CHL1: variants seen among roughly 807,000 people sequenced by gnomAD.
CHL1 encodes cell adhesion molecule L1 like.
In CHL1, 96 loss-of-function variants were observed where a neutral mutation model predicts 141.9. The observed-to-expected ratio is 0.68, with a 90% CI of 0.57 to 0.80. The LOEUF (loss-of-function observed/expected upper bound fraction) is 0.80, where lower values mean the gene tolerates loss of function less well. Among genes scored for constraint, CHL1 ranks in the 30% least tolerant of loss-of-function variants. CHL1 has a pLI of 0.00. For synonymous variants in CHL1, 613 were observed against 502.2 expected, an observed-to-expected ratio of 1.22 and a Z score of -2.95; for missense variants, 1,820 against 1,457.2, an observed-to-expected ratio of 1.25 and a Z score of -4.05.
At chr3:309,430 C>CTTTCTCTTTCTTTCT (rs565791755) in intron 2 of CHL1, 1 of 148,712 alleles carries the variant, frequency 6.7e-6, no homozygotes, top group South Asian at 2.1e-4. Context: ...CTTCCTCTTT[C>CTTTCTCTTTCTTTCT]TTTCTCTTTC....
chr3:298,295 T>G (rs1302434047), intron 2 of CHL1, among the ~76,000 whole-genome samples: 1 of 152,138 alleles, frequency 6.6e-6, no homozygotes, highest in Non-Finnish European at 1.5e-5. Flanking sequence ...AATATCTAGT[T>G]TTACTAATAA....
chr3:274,410 A>T (rs1379035386), intron 2 of CHL1, among the ~76,000 whole-genome samples: 2 of 152,246 alleles, frequency 1.3e-5, no homozygotes, highest in African/African-American at 4.8e-5. Context: ...CCATGCTCAA[A>T]AAAAGAACAT....
At chr3:358,097 G>C (rs904988983) in intron 11 of CHL1, among the ~76,000 whole-genome samples, 2 of 152,158 alleles carry the variant, frequency 1.3e-5, no homozygotes, top group African/African-American at 4.8e-5. Context: ...CATAAACTTA[G>C]TGTCTTAAAA....
intron 1 of CHL1, among the ~76,000 whole-genome samples, chr3:201,560 A>G (rs1033485230): frequency 4.6e-5 from 7 of 152,108 alleles, no homozygotes; most frequent in African/African-American, 7.2e-5. Context: ...TTCAATAAGA[A>G]TCACAACTAG....
rs939824368 is a variant in CHL1 at position 401,604 on chromosome 3, CCACTTTTTTTCT to C, written c.3386-20_3386-9del. 4 of 1,449,214 alleles carry C rather than the reference CCACTTTTTTTCT, an allele frequency of 2.8e-6. No homozygotes were observed. Among genetic ancestry groups the C allele is most frequent in the Non-Finnish European group, 3.8e-6 (4 of 1,041,838 alleles). The allele number at this position is 1,449,214 out of a possible 1,614,324, so 89.8% of individuals were successfully genotyped here. Reference sequence around the variant, plus strand: ...TTAAATGGTCACTGTATTACTTTTCCCACTTTTTTTCTCTTTTTTAGTTAAAGAAAAGGAAGA... The same window carrying C: ...TTAAATGGTCACTGTATTACTTTTCCCTTTTTTAGTTAAAGAAAAGGAAGA... On this transcript the variant is annotated splice_polypyrimidine_tract_variant and intron_variant, in intron 26 of 27. Transcript: ENST00000256509.
intron 2 of CHL1, among the ~76,000 whole-genome samples, chr3:310,584 A>G (rs1426134748): frequency 6.6e-6 from 1 of 152,084 alleles, no homozygotes; most frequent in Non-Finnish European, 1.5e-5. Context: ...GGAAGATTTC[A>G]TTTTTTAGTG....
chr3:276,759 G>A (rs932299271), intron 2 of CHL1, among the ~76,000 whole-genome samples: 42 of 151,714 alleles, frequency 2.8e-4, no homozygotes, highest in Admixed American at 8.5e-4. Flanking sequence ...CATGCTGGCC[G>A]GCACCTGTAG....
At chr3:286,547 G>A (rs1046911642) in intron 2 of CHL1, among the ~76,000 whole-genome samples, 1 of 149,792 alleles carries the variant, frequency 6.7e-6, no homozygotes, top group African/African-American at 2.5e-5. Flanking sequence ...GTAGGCGTAG[G>A]TTGCAGTGAG....
At chr3:374,388 C>A (rs1706034335) in intron 15 of CHL1, among the ~76,000 whole-genome samples, 1 of 152,142 alleles carries the variant, frequency 6.6e-6, no homozygotes, top group African/African-American at 2.4e-5. Flanking sequence ...CTAAATTCTG[C>A]CTCTTTTGTT....
chr3:296,463 T>C (rs331891), intron 2 of CHL1, among the ~76,000 whole-genome samples: 1 of 151,508 alleles, frequency 6.6e-6, no homozygotes, highest in African/African-American at 2.4e-5. Context: ...TAATCACTTC[T>C]TTATTATTTG....
At chr3:401,209 A>T (rs1460463195) in intron 26 of CHL1, among the ~76,000 whole-genome samples, 1 of 152,120 alleles carries the variant, frequency 6.6e-6, no homozygotes, top group Non-Finnish European at 1.5e-5. Flanking sequence ...GCCTTGATTG[A>T]CTTTTTAAAT....
intron 1 of CHL1, among the ~76,000 whole-genome samples, chr3:237,096 G>C (rs1692064963): frequency 1.3e-5 from 2 of 152,152 alleles, no homozygotes; most frequent in African/African-American, 4.8e-5. Flanking sequence ...ATATGGTTTG[G>C]CTCTGTGTTC....
intron 5 of CHL1, among the ~76,000 whole-genome samples, chr3:333,127 TTTTTTA>T (rs1283316482): frequency 2.0e-5 from 2 of 101,838 alleles, no homozygotes; most frequent in Admixed American, 1.1e-4. Flanking sequence ...TTGCTCTATT[TTTTTTA>T]TTTTTTTTTT....
chr3:320,394 A>C (rs1308536572), intron 3 of CHL1, among the ~76,000 whole-genome samples: 1 of 152,072 alleles, frequency 6.6e-6, no homozygotes, highest in African/African-American at 2.4e-5. Flanking sequence ...GTGTGAATTC[A>C]TATTAAGAGG....
intron 1 of CHL1, among the ~76,000 whole-genome samples, chr3:224,908 T>G (rs680021): frequency 0.33 from 49,954 of 151,108 alleles, 8,466 homozygotes; most frequent in South Asian, 0.54. Context: ...GGCTGAGGCG[T>G]GCAGATCACC....
At chr3:378,453 A>C (rs191356936) in intron 16 of CHL1, among the ~76,000 whole-genome samples, 5 of 152,230 alleles carry the variant, frequency 3.3e-5, no homozygotes, top group African/African-American at 1.2e-4. Context: ...TTGTTGATGA[A>C]AGTACTAATC....
chr3:197,114 G>C (rs913537637), intron 1 of CHL1, 51 bp downstream of exon 1: 1 of 152,646 alleles, frequency 6.6e-6, no homozygotes, highest in Middle Eastern at 3.3e-3. Flanking sequence ...GCGCTGGGGG[G>C]GTCTCCCGTG....
At chr3:257,145 T>C (rs1424006090) in intron 2 of CHL1, among the ~76,000 whole-genome samples, 3 of 152,154 alleles carry the variant, frequency 2.0e-5, no homozygotes, top group South Asian at 2.1e-4. Context: ...TACCAGATTA[T>C]GGGATGGAAA....
chr3:261,709 A>G (rs564232351), intron 2 of CHL1, among the ~76,000 whole-genome samples: 2 of 152,310 alleles, frequency 1.3e-5, no homozygotes, highest in African/African-American at 4.8e-5. Context: ...AACATAAGCC[A>G]CAGACTTAAC....
Sources: gnomAD v4.1 joint callset for allele counts (sites outside exome capture counted in the v4.1 genomes callset) on GRCh38, gnomAD v4.1.1 for gene constraint, MANE v1.5 for transcripts, NCBI Gene and HGNC (gene_info 2026-07-23, HGNC 2026-07-21) for gene names.